TMEM132D: variants seen among roughly 807,000 people sequenced by gnomAD.
TMEM132D encodes mature OL transmembrane protein.
In TMEM132D, 21 loss-of-function variants were observed where a neutral mutation model predicts 62.3. That is an observed-to-expected ratio of 0.34 (90% confidence interval 0.24 to 0.49). TMEM132D has a LOEUF of 0.49. Ranked by LOEUF, TMEM132D falls within the 20% of genes least tolerant of loss-of-function variation. The probability of loss-of-function intolerance (pLI) is 0.99; values close to 1 mark genes in which losing one functional copy is unlikely to be tolerated. For missense variants in TMEM132D, 1,346 were observed against 1,402.8 expected, an observed-to-expected ratio of 0.96 and a Z score of 0.65; for synonymous variants, 621 against 575.6, an observed-to-expected ratio of 1.08 and a Z score of -1.13.
intron 1 of TMEM132D, among the ~76,000 whole-genome samples, chr12:129,813,186 T>C (rs1013016537): frequency 2.0e-5 from 3 of 151,800 alleles, no homozygotes; most frequent in African/African-American, 7.3e-5. Flanking sequence ...TCCAACTGTG[T>C]CTAAATCCAC....
intron 1 of TMEM132D, among the ~76,000 whole-genome samples, chr12:129,709,017 G>A (rs959079357): frequency 1.3e-5 from 2 of 152,168 alleles, no homozygotes; most frequent in African/African-American, 4.8e-5. Context: ...GACATCAGGC[G>A]CTATTACACC....
intron 5 of TMEM132D, among the ~76,000 whole-genome samples, chr12:129,121,826 AGATAAAATAGTTT>A (rs914290098): frequency 6.6e-6 from 1 of 152,236 alleles, no homozygotes; most frequent in Admixed American, 6.5e-5. Context: ...CGAGGTGTAG[AGATAAAATAGTTT>A]GATATTTTTA....
At chr12:129,782,522 T>C (rs61943424) in intron 1 of TMEM132D, among the ~76,000 whole-genome samples, 9,077 of 152,290 alleles carry the variant, frequency 0.06, 320 homozygotes, top group East Asian at 0.1. Context: ...GCACAATGCT[T>C]ACAAAGGCCC....
At chr12:129,489,514 A>G (rs1025502885) in intron 3 of TMEM132D, among the ~76,000 whole-genome samples, 7 of 152,254 alleles carry the variant, frequency 4.6e-5, no homozygotes, top group Non-Finnish European at 1.0e-4. Context: ...ACTTGCATAC[A>G]TTAGGCAACA....
intron 3 of TMEM132D, among the ~76,000 whole-genome samples, chr12:129,437,505 A>G (rs1872818479): frequency 1.3e-5 from 2 of 152,190 alleles, no homozygotes; most frequent in African/African-American, 4.8e-5. Flanking sequence ...ACGTTTTCAT[A>G]CTTCTCAAAT....
intron 2 of TMEM132D, among the ~76,000 whole-genome samples, chr12:129,621,551 T>A (rs1879068222): frequency 6.6e-6 from 1 of 152,162 alleles, no homozygotes; most frequent in African/African-American, 2.4e-5. Context: ...GAATGTTTGA[T>A]ATTAACATTC....
intron 1 of TMEM132D, among the ~76,000 whole-genome samples, chr12:129,771,829 G>T (rs1870764978): frequency 6.6e-6 from 1 of 152,222 alleles, no homozygotes; most frequent in Admixed American, 6.5e-5. Flanking sequence ...ATACATGCAT[G>T]AAAGTTTAAC....
chr12:129,495,832 A>C (rs913523638), intron 3 of TMEM132D, among the ~76,000 whole-genome samples: 1 of 152,120 alleles, frequency 6.6e-6, no homozygotes, highest in African/African-American at 2.4e-5. Context: ...CCTGGAGGGG[A>C]GGGCTGGGTT....
intron 2 of TMEM132D, among the ~76,000 whole-genome samples, chr12:129,655,457 G>T (rs917377620): frequency 6.6e-6 from 1 of 151,920 alleles, no homozygotes; most frequent in South Asian, 2.1e-4. Context: ...ACCTTGGTCA[G>T]GCTGGTCTTG....
chr12:129,245,011 C>A (rs903854445), intron 4 of TMEM132D, among the ~76,000 whole-genome samples: 1 of 152,084 alleles, frequency 6.6e-6, no homozygotes, highest in Non-Finnish European at 1.5e-5. Flanking sequence ...AAATTCTAAG[C>A]CCATATTCTT....
chr12:129,824,695 G>T (rs914432247), intron 1 of TMEM132D, among the ~76,000 whole-genome samples: 2 of 152,230 alleles, frequency 1.3e-5, no homozygotes, highest in Non-Finnish European at 2.9e-5. Flanking sequence ...CAGGCACCTT[G>T]ATCTGGGACT....
chr12:129,205,996 A>G (rs113784376), intron 5 of TMEM132D, among the ~76,000 whole-genome samples: 205 of 152,330 alleles, frequency 1.3e-3, no homozygotes, highest in African/African-American at 4.7e-3. Flanking sequence ...AAACTATAGA[A>G]ACCCTGGAAG....
chr12:129,722,466 G>C (rs1236906788), intron 1 of TMEM132D, among the ~76,000 whole-genome samples: 1 of 152,186 alleles, frequency 6.6e-6, no homozygotes, highest in Non-Finnish European at 1.5e-5. Flanking sequence ...AGAAGGCGAA[G>C]AACACTGAAC....
intron 2 of TMEM132D, among the ~76,000 whole-genome samples, chr12:129,548,251 T>G (rs1876794870): frequency 6.6e-6 from 1 of 152,144 alleles, no homozygotes; most frequent in African/African-American, 2.4e-5. Context: ...GGGAGACACC[T>G]CCTTCACTCG....
At chr12:129,246,575 G>A (rs1226046775) in intron 4 of TMEM132D, among the ~76,000 whole-genome samples, 4 of 152,184 alleles carry the variant, frequency 2.6e-5, no homozygotes, top group Admixed American at 1.3e-4. Context: ...GGCCAACATC[G>A]TGAACACCTG....
chr12:129,808,903 C>T (rs1057110549), intron 1 of TMEM132D, among the ~76,000 whole-genome samples: 1 of 151,822 alleles, frequency 6.6e-6, no homozygotes. Context: ...CCACAAGAAA[C>T]ATCAATAAAT....
chr12:129,233,180 T>C (rs1879689013), intron 4 of TMEM132D, among the ~76,000 whole-genome samples: 1 of 152,186 alleles, frequency 6.6e-6, no homozygotes, highest in Non-Finnish European at 1.5e-5. Context: ...TTTAAAATTG[T>C]CCATCTCCTG....
chr12:129,550,801 T>C (rs1046729020), intron 2 of TMEM132D, among the ~76,000 whole-genome samples: 1 of 152,198 alleles, frequency 6.6e-6, no homozygotes, highest in Non-Finnish European at 1.5e-5. Context: ...TGGCAGATTG[T>C]ATTTCCAGAG....
chr12:129,798,142 A>G (rs1164506353), intron 1 of TMEM132D, among the ~76,000 whole-genome samples: 1 of 151,906 alleles, frequency 6.6e-6, no homozygotes, highest in Non-Finnish European at 1.5e-5. Flanking sequence ...AGCTCCCTAG[A>G]CTCCACCGGA....
Sources: allele counts gnomAD v4.1 joint callset (sites outside exome capture counted in the v4.1 genomes callset), GRCh38; gene constraint gnomAD v4.1.1; transcripts MANE v1.5; gene names NCBI Gene and HGNC (gene_info 2026-07-23, HGNC 2026-07-21).